The following CNTNAP2 variants were observed in gnomAD, a reference collection of about 807,000 sequenced individuals.
The protein encoded by CNTNAP2 is contactin-associated protein-like 2.
A neutral mutation model predicts 155.2 loss-of-function variants in CNTNAP2; 98 were observed. The ratio of observed to expected loss-of-function variants is 0.63; its 90% CI spans 0.54 to 0.75. The LOEUF is 0.75. CNTNAP2 is among the 30% of genes least tolerant of loss of function. CNTNAP2 has a pLI of 0.00. For missense variants in CNTNAP2, 1,727 were observed against 1,688.1 expected, an observed-to-expected ratio of 1.02 and a Z score of -0.40; for synonymous variants, 651 against 631.2, an observed-to-expected ratio of 1.03 and a Z score of -0.47.
rs1359251369 is a variant in CNTNAP2 at position 147,902,806 on chromosome 7, GTGTGTGTA to G, written c.2099-751_2099-744del. On this transcript the variant is annotated intron_variant, in intron 13 of 23. Transcript: ENST00000361727. ...TGTGTGTGTGTGTGTGTGTGTGTGT[GTGTGTGTA>G]TGTGTGTGTGTGTGTGTGTGTGTGT... Among the ~76,000 whole-genome samples the G allele has an allele frequency of 3.7e-3, 476 of 129,652 alleles. 1 individual carries two copies. The highest frequency in any genetic ancestry group is 6.1e-3 in the African/African-American group (217 of 35,342). 85.1% of individuals were successfully genotyped at this position (129,652 alleles called of 152,430 possible).
chr7:147,960,901 T>C (rs1175016216), intron 14 of CNTNAP2, among the ~76,000 whole-genome samples: 1 of 152,072 alleles, frequency 6.6e-6, no homozygotes, highest in Non-Finnish European at 1.5e-5. Flanking sequence ...CCAGAAATCA[T>C]GGTGATAAGT....
chr7:147,133,781 G>A (rs1297425172), intron 8 of CNTNAP2, among the ~76,000 whole-genome samples: 2 of 152,006 alleles, frequency 1.3e-5, no homozygotes, highest in African/African-American at 4.8e-5. Flanking sequence ...CACAAGAAAT[G>A]TTATGTCAGA....
At chr7:147,161,312 GC>G (rs1802018862) in intron 8 of CNTNAP2, among the ~76,000 whole-genome samples, 1 of 152,154 alleles carries the variant, frequency 6.6e-6, no homozygotes, top group African/African-American at 2.4e-5. Context: ...GGATAAGTGA[GC>G]CTCCTCCTGT....
chr7:146,808,148 C>T (rs1399646211), intron 2 of CNTNAP2, among the ~76,000 whole-genome samples: 1 of 152,154 alleles, frequency 6.6e-6, no homozygotes, highest in Non-Finnish European at 1.5e-5. Flanking sequence ...AGCACATTCT[C>T]TAATATAATT....
intron 1 of CNTNAP2, among the ~76,000 whole-genome samples, chr7:146,277,812 C>T (rs541949373): frequency 8.9e-4 from 136 of 152,258 alleles, no homozygotes; most frequent in Non-Finnish European, 1.2e-3. Context: ...CTAGAAATTT[C>T]ATGAAAAGCT....
intron 8 of CNTNAP2, among the ~76,000 whole-genome samples, chr7:147,157,960 T>TTTAA (rs548377345): frequency 7.4e-4 from 113 of 152,216 alleles, no homozygotes; most frequent in Middle Eastern, 3.4e-3. Flanking sequence ...TTTTAAGGGA[T>TTTAA]TTAATAATTT....
chr7:147,243,686 G>T (rs963699771), intron 8 of CNTNAP2, among the ~76,000 whole-genome samples: 1 of 152,170 alleles, frequency 6.6e-6, no homozygotes, highest in African/African-American at 2.4e-5. Context: ...AAATATTCAT[G>T]TTAGGTGAAG....
intron 3 of CNTNAP2, among the ~76,000 whole-genome samples, chr7:146,910,975 C>T (rs901598719): frequency 1.3e-4 from 19 of 151,252 alleles, no homozygotes; most frequent in South Asian, 2.1e-4. Flanking sequence ...AACAAACAAC[C>T]CCATCAAAAA....
At chr7:148,282,131 T>C (rs62470561) in intron 21 of CNTNAP2, among the ~76,000 whole-genome samples, 25,647 of 152,164 alleles carry the variant, frequency 0.17, 2,533 homozygotes, top group Middle Eastern at 0.27. Flanking sequence ...CCTTCAACGA[T>C]ATTTTCAATA....
At chr7:148,374,593 C>T (rs1274279353) in intron 21 of CNTNAP2, among the ~76,000 whole-genome samples, 1 of 152,038 alleles carries the variant, frequency 6.6e-6, no homozygotes. Context: ...CGTGGTTCTC[C>T]AAAGCCAAAA....
chr7:147,795,122 T>C (rs928139277), intron 13 of CNTNAP2, among the ~76,000 whole-genome samples: 3 of 152,002 alleles, frequency 2.0e-5, no homozygotes, highest in Admixed American at 1.3e-4. Context: ...TTCTTCCCTA[T>C]TCTTGCCTAG....
Position 146,212,530 on chromosome 7 carries a change from A to G in CNTNAP2, c.97+95557A>G, listed in dbSNP as rs191688249. Among the ~76,000 whole-genome samples the G allele has an allele frequency of 2.6e-5, 4 of 152,314 alleles. No individual in the cohort carries two copies. The East Asian group carries it at 7.7e-4, about 29-fold the overall frequency. ...TCATGAATCCTGTTGAAAGAGCACC[A>G]ATGAAATTCCAAATTGACCAGAGTA... On this transcript the variant is annotated intron_variant, in intron 1 of 23. Coordinates refer to ENST00000361727, the MANE Select transcript of CNTNAP2 (RefSeq NM_014141.6).
At chr7:147,507,434 C>T (rs150219212) in intron 11 of CNTNAP2, among the ~76,000 whole-genome samples, 79 of 152,084 alleles carry the variant, frequency 5.2e-4, no homozygotes, top group African/African-American at 1.7e-3. Flanking sequence ...AACGTGGCTA[C>T]CATCTTCTCT....
chr7:146,249,841 TA>T (rs1417943979), intron 1 of CNTNAP2, among the ~76,000 whole-genome samples: 1 of 152,172 alleles, frequency 6.6e-6, no homozygotes, highest in East Asian at 1.9e-4. Context: ...AAGAAAGACT[TA>T]GATTATACTT....
At chr7:146,182,904 G>T (rs1798569968) in intron 1 of CNTNAP2, among the ~76,000 whole-genome samples, 1 of 152,040 alleles carries the variant, frequency 6.6e-6, no homozygotes, top group Admixed American at 6.6e-5. Context: ...TCTAGGTCCT[G>T]CTCATCTTTC....
intron 11 of CNTNAP2, among the ~76,000 whole-genome samples, chr7:147,529,669 A>G (rs759909041): frequency 2.0e-5 from 3 of 152,242 alleles, no homozygotes; most frequent in Non-Finnish European, 2.9e-5. Flanking sequence ...ATAAAATAAA[A>G]GCAAAGTATG....
intron 3 of CNTNAP2, among the ~76,000 whole-genome samples, chr7:146,852,900 A>G (rs923675381): frequency 9.9e-5 from 15 of 152,156 alleles, no homozygotes; most frequent in African/African-American, 3.1e-4. Context: ...AGCAAGCACA[A>G]TTGTTCATTC....
rs1271705306 is a variant in CNTNAP2, at chr7:147,536,097, C to T, written c.1778-26041C>T. ...ACTCACCGTGGCAGGAACTAAGCTA[C>T]CCAAGACAACTTTTAAAATTATTGC... is the stretch of plus-strand genomic sequence containing the variant. On this transcript the variant is annotated intron_variant, in intron 11 of 23. Transcript: ENST00000361727. 4.6e-5 allele frequency among the ~76,000 whole-genome samples: 7 copies of T among 152,126 alleles called. No homozygotes were observed. The South Asian group carries it at 1.2e-3, about 27-fold the overall frequency.
intron 12 of CNTNAP2, among the ~76,000 whole-genome samples, chr7:147,562,619 G>A (rs115885341): frequency 0.013 from 2,031 of 152,304 alleles, 46 homozygotes; most frequent in African/African-American, 0.047. Context: ...GTGCATGCTA[G>A]AGGAAGCTTT....
Sources: gnomAD v4.1 joint callset for allele counts (sites outside exome capture counted in the v4.1 genomes callset) on GRCh38, gnomAD v4.1.1 for gene constraint, MANE v1.5 for transcripts, NCBI Gene and HGNC (gene_info 2026-07-23, HGNC 2026-07-21) for gene names.